The following UBA6 variants were observed in gnomAD, a reference collection of about 807,000 sequenced individuals.
UBA6 encodes the protein ubiquitin like modifier activating enzyme 6, also known as ubiquitin-like modifier-activating enzyme 6.
Under a neutral mutation model 148.3 loss-of-function variants are expected in UBA6, and 87 were observed. That is an observed-to-expected ratio of 0.59 (90% CI 0.49 to 0.70). The LOEUF (loss-of-function observed/expected upper bound fraction) is 0.70. Ranked by LOEUF, UBA6 falls within the 30% of genes least tolerant of loss-of-function variation. The pLI, the probability that UBA6 is intolerant of heterozygous loss-of-function variation, is 0.00. For missense variants in UBA6, 1,186 were observed against 1,241.2 expected (o/e 0.96, Z 0.67); for synonymous variants, 376 against 401.0 (o/e 0.94, Z 0.75).
At chr4:67,639,340 C>T (rs1386339258) in intron 18 of UBA6, among the ~76,000 whole-genome samples, 1 of 151,968 alleles carries the variant, frequency 6.6e-6, no homozygotes, top group Admixed American at 6.6e-5. Flanking sequence ...AAATAATTTA[C>T]AAATTATTAA....
At chr4:67,694,909 A>T (rs1165680359) in intron 2 of UBA6, among the ~76,000 whole-genome samples, 3 of 152,226 alleles carry the variant, frequency 2.0e-5, no homozygotes, top group African/African-American at 7.2e-5. Flanking sequence ...TAACAGCTAC[A>T]CCAAAAGATA....
At chr4:67,671,761 T>G (rs894650231) in intron 7 of UBA6, among the ~76,000 whole-genome samples, 5 of 152,316 alleles carry the variant, frequency 3.3e-5, no homozygotes, top group Middle Eastern at 3.4e-3. Flanking sequence ...AGTAGCTTTT[T>G]CCTTTTTCCA....
intron 13 of UBA6, among the ~76,000 whole-genome samples, chr4:67,653,406 C>A (rs1190253966): frequency 1.3e-5 from 2 of 152,152 alleles, no homozygotes; most frequent in Non-Finnish European, 2.9e-5. Context: ...CTGGAGTGGA[C>A]CTCCAGCAAA....
chr4:67,637,035 C>T (rs886560323), intron 19 of UBA6, among the ~76,000 whole-genome samples: 1 of 151,972 alleles, frequency 6.6e-6, no homozygotes, highest in African/African-American at 2.4e-5. Flanking sequence ...GCGCCTCTGC[C>T]CGGCCGCGAC....
chr4:67,660,587 T>G (rs1729824645), intron 13 of UBA6, among the ~76,000 whole-genome samples: 1 of 152,178 alleles, frequency 6.6e-6, no homozygotes, highest in Non-Finnish European at 1.5e-5. Context: ...TGAAAACACC[T>G]GGATGTCCAG....
intron 17 of UBA6, among the ~76,000 whole-genome samples, chr4:67,642,302 T>C (rs748769078): frequency 1.2e-4 from 19 of 152,124 alleles, no homozygotes; most frequent in Non-Finnish European, 2.4e-4. Flanking sequence ...AATTTTAACA[T>C]GCTTATGTGA....
chr4:67,693,488 G>A (rs1730748003), intron 2 of UBA6, among the ~76,000 whole-genome samples: 1 of 152,184 alleles, frequency 6.6e-6, no homozygotes, highest in Non-Finnish European at 1.5e-5. Context: ...GACTGCACAA[G>A]AGGTAGGGTG....
At chr4:67,700,530 C>CTT (rs113286394) in intron 1 of UBA6, among the ~76,000 whole-genome samples, 1 of 124,026 alleles carries the variant, frequency 8.1e-6, no homozygotes, top group African/African-American at 2.9e-5. Context: ...TTTTTCCTGG[C>CTT]TTTTTTTTTT....
chr4:67,669,293 T>C (rs1209575626), intron 8 of UBA6, among the ~76,000 whole-genome samples: 1 of 152,144 alleles, frequency 6.6e-6, no homozygotes, highest in African/African-American at 2.4e-5. Flanking sequence ...TTAATATGCC[T>C]GAAAGAATAA....
chr4:67,682,099 G>C lies in UBA6; in HGVS notation c.229+20C>G, dbSNP rs377549387. The C allele has an allele frequency of 2.4e-5, 37 of 1,567,814 alleles. No homozygotes were observed. The highest frequency in any genetic ancestry group is 3.0e-5 in the Non-Finnish European group (34 of 1,138,680). On this transcript the variant is annotated intron_variant, in intron 3 of 32. Transcript: ENST00000322244. ...CATTGCTCAAAAGTGTCAAAAATTA[G>C]GAATATAAATATTGCTTACCAATTT...
At position 67,700,936 on chromosome 4, in the gene UBA6, G is replaced by C; in HGVS notation, c.71+113C>G. 3 of 1,345,844 alleles carry C rather than the reference G, an allele frequency of 2.2e-6. No individual in the cohort carries two copies. In the East Asian group the frequency reaches 7.2e-5, roughly 32 times the overall value. The allele number at this position is 1,345,844 out of a possible 1,614,324, so 83.4% of individuals were successfully genotyped here. A position where few individuals can be genotyped will look rare whatever the true frequency, so the allele number is the denominator to read the frequency against. ...CCCCTCGCCTCCCAGGGCCGGCTCT[G>C]CTCGGCCCCGCGGCCTCTCGGGCGC... On this transcript the variant is annotated intron_variant, in intron 1 of 32. Transcript: ENST00000322244.
intron 1 of UBA6, 65 bp downstream of exon 1, chr4:67,700,984 A>C (rs1730968076): frequency 1.9e-6 from 3 of 1,593,740 alleles, no homozygotes; most frequent in South Asian, 1.1e-5. Flanking sequence ...GGAAAGAAAG[A>C]AGCAGAAACC....
At chr4:67,673,290 T>C (rs1046676932) in intron 7 of UBA6, among the ~76,000 whole-genome samples, 2 of 151,816 alleles carry the variant, frequency 1.3e-5, no homozygotes, top group African/African-American at 4.8e-5. Flanking sequence ...GGCGGGTGCC[T>C]GTAAGATCCC....
chr4:67,651,677 C>T (rs1238614988), intron 13 of UBA6, among the ~76,000 whole-genome samples: 1 of 151,976 alleles, frequency 6.6e-6, no homozygotes, highest in Admixed American at 6.6e-5. Context: ...ACAGACTAAA[C>T]CTGACTTCAA....
In UBA6 at chr4:67,634,303, TG is replaced by T; in HGVS notation, c.1951del (p.His651ThrfsTer29). ...AAATTTGTTAAACAATGAAGGTTTGTGGGAAAAGGAACTTTCAAACTGTAAC... is the reference window on the plus strand; with the variant it reads ...AAATTTGTTAAACAATGAAGGTTTGTGGAAAAGGAACTTTCAAACTGTAAC... ...ARDKFESSFS[H>X]KPSLFNKFWQ... On this transcript the variant is annotated frameshift_variant, in exon 22 of 33. Transcript: ENST00000322244. LOFTEE classifies it high-confidence loss of function. 1 of 1,595,584 alleles carries T rather than the reference TG, an allele frequency of 6.3e-7. No individual in the cohort carries two copies. Among genetic ancestry groups the T allele is most frequent in the Admixed American group, 1.8e-5 (1 of 55,156 alleles).
chr4:67,694,239 A>AAAAAAG (rs762647842), intron 2 of UBA6, among the ~76,000 whole-genome samples: 13 of 141,106 alleles, frequency 9.2e-5, no homozygotes, highest in Non-Finnish European at 1.4e-4. Context: ...AAAAAAAAAA[A>AAAAAAG]AAAAAGAAAA....
chr4:67,662,936 A>C (rs1251270450), intron 12 of UBA6: 2 of 413,672 alleles, frequency 4.8e-6, no homozygotes, highest in Non-Finnish European at 8.7e-6. Flanking sequence ...AAAAATTCAC[A>C]TTTAGTATGA....
rs1167951107 is a variant in UBA6 at position 67,631,753 on chromosome 4, G to A, written c.2213C>T (p.Pro738Leu). 1.2e-6 allele frequency: 2 copies of A among 1,611,470 alleles called. No individual in the cohort carries two copies. The highest frequency in any genetic ancestry group is 1.1e-5 in the South Asian group (1 of 90,778). ...LKDGSLFWQS[P>L]KRPPSPIKFD... ...TTTTATTGGAGAGGGTGGCCTCTTT[G>A]GTGACTGCCAAAATAAACCTGGCAA... Residue 738 changes from proline (P) to leucine (L), a missense_variant, in exon 25 of 33, where the codon CCA becomes CTA. Coordinates refer to ENST00000322244, the MANE Select transcript of UBA6 (RefSeq NM_018227.6).
intron 6 of UBA6, among the ~76,000 whole-genome samples, chr4:67,676,069 G>A (rs1372313419): frequency 6.8e-6 from 1 of 146,394 alleles, no homozygotes; most frequent in Non-Finnish European, 1.5e-5. Flanking sequence ...TGTTGCCCAG[G>A]CTGGAGTGCA....
Sources: allele counts gnomAD v4.1 joint callset (sites outside exome capture counted in the v4.1 genomes callset), GRCh38; gene constraint gnomAD v4.1.1; transcripts MANE v1.5; gene names NCBI Gene and HGNC (gene_info 2026-07-23, HGNC 2026-07-21).